SFTPB: variants seen among roughly 807,000 people sequenced by gnomAD.
SFTPB encodes the protein pulmonary surfactant-associated protein B.
Under a neutral mutation model 51.0 loss-of-function variants are expected in SFTPB, and 32 were observed. The observed-to-expected ratio is 0.63, with a 90% CI of 0.47 to 0.84. The LOEUF (loss-of-function observed/expected upper bound fraction) is 0.84, where lower values mean the gene tolerates loss of function less well. SFTPB is among the 40% of genes least tolerant of loss of function. SFTPB has a pLI of 0.00. For synonymous variants in SFTPB, 211 were observed against 208.5 expected, an observed-to-expected ratio of 1.01 and a Z score of -0.10; for missense variants, 431 against 491.2, an observed-to-expected ratio of 0.88 and a Z score of 1.16.
intron 6 of SFTPB, among the ~76,000 whole-genome samples, chr2:85,664,904 AATCT>A (rs1310738572): frequency 2.0e-5 from 3 of 152,222 alleles, no homozygotes; most frequent in African/African-American, 7.2e-5. Flanking sequence ...AAGGATGGGG[AATCT>A]ATCTGTGGAA....
upstream of SFTPB, chr2:85,668,572 C>G: frequency 3.3e-6 from 1 of 303,974 alleles, no homozygotes; most frequent in East Asian, 6.6e-5. Flanking sequence ...CTCCCAGGCC[C>G]CCTCTACTCT....
chr2:85,668,104 G>A lies in SFTPB; in HGVS notation c.67+13C>T. ...GGAGCTGCCTAGGAGAGGGGAGGCT[G>A]GGGGAGACTCACCAGTGCCTGGGCC... is the stretch of plus-strand genomic sequence containing the variant. On this transcript the variant is annotated intron_variant, in intron 1 of 10. Transcript: ENST00000519937. 6.5e-7 allele frequency: 1 copy of A among 1,542,690 alleles called. No individual in the cohort carries two copies. Among genetic ancestry groups the A allele is most frequent in the Non-Finnish European group, 8.8e-7 (1 of 1,138,916 alleles).
intron 6 of SFTPB, 136 bp downstream of exon 6, chr2:85,665,153 A>G (rs1028480543): frequency 2.6e-6 from 2 of 772,660 alleles, no homozygotes; most frequent in South Asian, 1.4e-5. Context: ...GCAATGCACA[A>G]GCGGCTCTCT....
intron 4 of SFTPB, among the ~76,000 whole-genome samples, chr2:85,666,225 G>C (rs1158998648): frequency 1.4e-5 from 2 of 143,764 alleles, no homozygotes; most frequent in African/African-American, 2.6e-5. Context: ...CTGTGTGTGT[G>C]TGTGTGTGTG....
intron 4 of SFTPB, 194 bp downstream of exon 4, chr2:85,666,422 GT>G (rs1677620969): frequency 3.8e-6 from 2 of 526,954 alleles, no homozygotes; most frequent in East Asian, 3.8e-5. Flanking sequence ...CAGCTGGGGT[GT>G]TGTGTGTGTG....
chr2:85,662,181 C>T, intron 8 of SFTPB, 72 bp from the exon 9 acceptor site: 11 of 1,557,216 alleles, frequency 7.1e-6, no homozygotes, highest in Non-Finnish European at 9.6e-6. Context: ...CTGGCCTCTC[C>T]ACATCTCTGG....
chr2:85,661,906 G>T, intron 9 of SFTPB, 123 bp downstream of exon 9: 2 of 852,984 alleles, frequency 2.3e-6, no homozygotes, highest in Non-Finnish European at 3.7e-6. Flanking sequence ...CCAGTCCCTG[G>T]CCCGTGCACC....
intron 6 of SFTPB, 138 bp downstream of exon 6, chr2:85,665,151 C>T (rs1321639591): frequency 3.9e-6 from 3 of 769,918 alleles, no homozygotes; most frequent in East Asian, 2.4e-5. Flanking sequence ...GGGCAATGCA[C>T]AAGCGGCTCT....
intron 10 of SFTPB, chr2:85,661,202 T>TG (rs1299609098): frequency 1.2e-5 from 3 of 245,804 alleles, no homozygotes; most frequent in South Asian, 2.5e-5. Flanking sequence ...GGCGGGGGGT[T>TG]GGGGGGGAAG....
intron 9 of SFTPB, 50 bp from the exon 10 acceptor site, chr2:85,661,585 C>A: frequency 2.0e-6 from 3 of 1,472,602 alleles, no homozygotes; most frequent in East Asian, 2.3e-5. Flanking sequence ...CTCAGCTCCC[C>A]ACACCCAGCT....
intron 10 of SFTPB, 188 bp downstream of exon 10, chr2:85,661,265 TC>T (rs1677276367): frequency 2.0e-6 from 1 of 502,878 alleles, no homozygotes; most frequent in Non-Finnish European, 3.7e-6. Flanking sequence ...GTGCTCGGGG[TC>T]CGGAAAGGGT....
intron 4 of SFTPB, among the ~76,000 whole-genome samples, chr2:85,666,233 G>GTGTA (rs1573476649): frequency 6.8e-6 from 1 of 146,570 alleles, no homozygotes; most frequent in East Asian, 2.0e-4. Context: ...GTGTGTGTGT[G>GTGTA]TGTGTGTGTG....
At chr2:85,667,485 C>T (rs555732389) in intron 2 of SFTPB, among the ~76,000 whole-genome samples, 194 bp downstream of exon 2, 3 of 152,238 alleles carry the variant, frequency 2.0e-5, no homozygotes, top group South Asian at 2.1e-4. Flanking sequence ...CCCATTCATC[C>T]GACTCCATCT....
Position 85,666,696 on chromosome 2 carries a change from A to G in SFTPB, c.314T>C (p.Leu105Ser). 6.2e-7 allele frequency: 1 copy of G among 1,613,876 alleles called. No homozygotes were observed. The highest frequency in any genetic ancestry group is 8.5e-7 in the Non-Finnish European group (1 of 1,179,880). The change falls in exon 4 of 11, where the codon TTG becomes TCG. Residue 105 changes from leucine (L) to serine (S), a missense_variant. Physicochemically the swap from Leu to Ser is moderately radical, Grantham distance 145 (BLOSUM62 -2). Coordinates refer to ENST00000519937, the MANE Select transcript of SFTPB (RefSeq NM_000542.5). Reference sequence around the variant, plus strand: ...GTTGCACTGGGGCATGAGCAGCTTCAAGGGGAGGACGTTGCACTCCTGCTC... The same window carrying G: ...GTTGCACTGGGGCATGAGCAGCTTCGAGGGGAGGACGTTGCACTCCTGCTC... ...FLEQECNVLP[L>S]KLLMPQCNQV... is the part of the protein sequence containing the mutation.
chr2:85,663,827 C>T lies in SFTPB; in HGVS notation c.693G>A (p.Val231=). 6.3e-7 allele frequency: 1 copy of T among 1,593,418 alleles called. No homozygotes were observed. Among genetic ancestry groups the T allele is most frequent in the East Asian group, 2.3e-5 (1 of 44,006 alleles). ...GAGGTACCACGCGGCACACCTGGGC[C>T]ACTGCCACAGCTAGCGCACCCTGGG... is the stretch of plus-strand genomic sequence containing the variant. ...MIPKGALAVA[V]AQVCRVVPLV... The change falls in exon 7 of 11, where the codon GTG becomes GTA. Residue 231 remains valine, a synonymous_variant. Transcript: ENST00000519937.
chr2:85,664,090 C>A (rs3024806), intron 6 of SFTPB, among the ~76,000 whole-genome samples: 1 of 152,200 alleles, frequency 6.6e-6, no homozygotes, highest in South Asian at 2.1e-4. Context: ...GGCTCTGGCC[C>A]ACAGCTAGTG....
chr2:85,663,465 G>GCGGCAGCCATTCTCCTGT lies in SFTPB; in HGVS notation c.865_882dup (p.Thr289_Pro294dup), dbSNP rs745795591. 3.4e-5 allele frequency: 55 copies of GCGGCAGCCATTCTCCTGT among 1,613,788 alleles called. No individual in the cohort carries two copies. The highest frequency in any genetic ancestry group is 4.5e-5 in the Non-Finnish European group (53 of 1,180,032). Reference sequence around the variant, plus strand: ...ATGCAGAGGTGGCACTCAGAGTCTCGCGGCAGCCATTCTCCTGTCGGCGAC... The same window carrying GCGGCAGCCATTCTCCTGT: ...ATGCAGAGGTGGCACTCAGAGTCTCGCGGCAGCCATTCTCCTGTCGGCAGCCATTCTCCTGTCGGCGAC... On this transcript the variant is annotated inframe_insertion, in exon 8 of 11. Coordinates refer to ENST00000519937, the MANE Select transcript of SFTPB (RefSeq NM_000542.5).
In SFTPB at chr2:85,658,975, A is replaced by G. The variant is rs1329906644; in HGVS notation, c.*727T>C. ...TTTCAGCAGATAAATCACAGCAGAA[A>G]TAGAATCACCCTAGGACTTTCAATC... On this transcript the variant is annotated 3_prime_UTR_variant, in exon 11 of 11. Transcript: ENST00000519937. 1.3e-5 allele frequency: 2 copies of G among 152,200 alleles called. No homozygotes were observed. Among genetic ancestry groups the G allele is most frequent in the Admixed American group, 6.6e-5 (1 of 15,260 alleles). The allele number at this position is 152,200 out of a possible 1,614,324, so 9.4% of individuals were successfully genotyped here.
rs552403996 is a variant in SFTPB at position 85,657,466 on chromosome 2, A to G, written c.*2236T>C. On this transcript the variant is annotated 3_prime_UTR_variant, in exon 11 of 11. Coordinates refer to ENST00000519937, the MANE Select transcript of SFTPB (RefSeq NM_000542.5). ...CTACTTAAAATCCAGGAGCCAATGA[A>G]TTGTGTGTCTCATCCCCAGGCCCAA... is the stretch of plus-strand genomic sequence containing the variant. The G allele has an allele frequency of 6.6e-6, 1 of 152,340 alleles. No individual in the cohort carries two copies. The highest frequency in any genetic ancestry group is 2.4e-5 in the African/African-American group (1 of 41,594). The allele number at this position is 152,340 out of a possible 1,614,324, so 9.4% of individuals were successfully genotyped here.
Sources: allele counts gnomAD v4.1 joint callset (sites outside exome capture counted in the v4.1 genomes callset), GRCh38; gene constraint gnomAD v4.1.1; transcripts MANE v1.5; gene names NCBI Gene and HGNC (gene_info 2026-07-23, HGNC 2026-07-21).